The following CSMD1 variants were observed in gnomAD, a reference collection of about 807,000 sequenced individuals.
CSMD1 encodes the protein CUB and Sushi multiple domains 1.
Under a neutral mutation model 417.5 loss-of-function variants are expected in CSMD1, and 213 were observed. The ratio of observed to expected loss-of-function variants is 0.51; its 90% CI spans 0.46 to 0.57. CSMD1 has a LOEUF of 0.57. Among genes scored for constraint, CSMD1 ranks in the 20% least tolerant of loss-of-function variants. The probability of loss-of-function intolerance (pLI) is 0.00; values close to 1 mark genes in which losing one functional copy is unlikely to be tolerated. For synonymous variants in CSMD1, 2,862 were observed against 1,736.8 expected, an observed-to-expected ratio of 1.65 and a Z score of -16.11; for missense variants, 6,923 against 4,529.7, an observed-to-expected ratio of 1.53 and a Z score of -15.17.
chr8:4,138,354 A>C (rs1012032631), intron 3 of CSMD1, among the ~76,000 whole-genome samples: 1 of 152,032 alleles, frequency 6.6e-6, no homozygotes, highest in Non-Finnish European at 1.5e-5. Context: ...AAGCTGGGGC[A>C]AGGAGTCAGT....
chr8:4,801,678 G>A lies in CSMD1; in HGVS notation c.86-164120C>T, dbSNP rs147976980. ...AGTGTCCTCAGCCTGTCCAATAATG[G>A]AGCCCTGTCCTTCTACACAAGGCAG... On this transcript the variant is annotated intron_variant, in intron 1 of 69. Coordinates refer to ENST00000635120, the MANE Select transcript of CSMD1 (RefSeq NM_033225.6). 7.4e-4 allele frequency among the ~76,000 whole-genome samples: 113 copies of A among 151,772 alleles called. 2 individuals are homozygous for A. In the East Asian group the frequency reaches 0.021, roughly 28 times the overall value.
intron 20 of CSMD1, among the ~76,000 whole-genome samples, chr8:3,366,437 C>T (rs1298773014): frequency 1.3e-5 from 2 of 152,126 alleles, no homozygotes; most frequent in Non-Finnish European, 2.9e-5. Flanking sequence ...CAATCTAACC[C>T]ATACAAATAA....
intron 3 of CSMD1, among the ~76,000 whole-genome samples, chr8:4,035,950 C>T (rs944366054): frequency 7.2e-5 from 11 of 152,168 alleles, no homozygotes; most frequent in Non-Finnish European, 1.0e-4. Flanking sequence ...ACTCTATTCA[C>T]GGTAAGTGTC....
At chr8:4,524,799 G>A (rs577613038) in intron 2 of CSMD1, among the ~76,000 whole-genome samples, 69 of 151,928 alleles carry the variant, frequency 4.5e-4, no homozygotes, top group Middle Eastern at 3.4e-3. Context: ...AGTAAATTAC[G>A]GTGAGTCAAA....
At chr8:3,795,846 GATATATATCTATCATGTACAGATATAGAT>G (rs1800057056) in intron 5 of CSMD1, among the ~76,000 whole-genome samples, 2 of 62,368 alleles carry the variant, frequency 3.2e-5, no homozygotes, top group Non-Finnish European at 6.8e-5. Context: ...TACAGATATA[GATATATATCTATCATGTACAGATATAGAT>G]ATATATCTAT....
intron 7 of CSMD1, chr8:3,702,217 C>T (rs1004064786): frequency 6.6e-6 from 1 of 152,204 alleles, no homozygotes; most frequent in Non-Finnish European, 1.5e-5. Context: ...TGCATGGCTA[C>T]AAAGTGTTGT....
In CSMD1 at chr8:4,479,859, G is replaced by A. The variant is rs556620695; in HGVS notation, c.303-59794C>T. 5.3e-5 allele frequency among the ~76,000 whole-genome samples: 8 copies of A among 151,874 alleles called. No homozygotes were observed. In the East Asian group the frequency reaches 9.7e-4, roughly 18 times the overall value. ...CCCACTCCTTTAGTTCCAGCTACTCGGGAGGCTGAGGCAGGAGAATTGCTT... is the reference window on the plus strand; with the variant it reads ...CCCACTCCTTTAGTTCCAGCTACTCAGGAGGCTGAGGCAGGAGAATTGCTT... On this transcript the variant is annotated intron_variant, in intron 2 of 69. Coordinates refer to ENST00000635120, the MANE Select transcript of CSMD1 (RefSeq NM_033225.6).
In CSMD1 at chr8:4,813,298, C is replaced by A. The variant is rs528026292; in HGVS notation, c.86-175740G>T. On this transcript the variant is annotated intron_variant, in intron 1 of 69. Coordinates refer to ENST00000635120, the MANE Select transcript of CSMD1 (RefSeq NM_033225.6). ...TGTTAAAAAATAAACAAATCACTCC[C>A]CCCACAGAGCCGGGGCTGTGATGAG... Among the ~76,000 whole-genome samples, 44 of 152,154 alleles carry A rather than the reference C, an allele frequency of 2.9e-4. No individual in the cohort carries two copies. In the South Asian group the frequency reaches 8.7e-3, roughly 30 times the overall value.
rs1452834226 is a variant in CSMD1, at chr8:2,973,418, T to A, written c.8741-119A>T. The A allele has an allele frequency of 3.2e-6, 3 of 951,876 alleles. No individual in the cohort carries two copies. The East Asian group carries it at 7.3e-5, about 23-fold the overall frequency. The allele number at this position is 951,876 out of a possible 1,614,324, so 59.0% of individuals were successfully genotyped here. ...ATTTGTGTTTCACATGAGTTATGGTTACACAACATTCTGCAATCTTGTAAG... is the reference window on the plus strand; with the variant it reads ...ATTTGTGTTTCACATGAGTTATGGTAACACAACATTCTGCAATCTTGTAAG... On this transcript the variant is annotated intron_variant, in intron 56 of 69. Coordinates refer to ENST00000635120, the MANE Select transcript of CSMD1 (RefSeq NM_033225.6).
intron 3 of CSMD1, among the ~76,000 whole-genome samples, chr8:4,224,872 T>C (rs1801251877): frequency 6.6e-6 from 1 of 150,764 alleles, no homozygotes; most frequent in African/African-American, 2.5e-5. Flanking sequence ...CACTTTGGGA[T>C]ACCAAGGCAG....
intron 12 of CSMD1, among the ~76,000 whole-genome samples, chr8:3,421,496 G>C (rs888363211): frequency 1.3e-5 from 2 of 152,174 alleles, no homozygotes; most frequent in Non-Finnish European, 2.9e-5. Context: ...ACAAAGAATA[G>C]AGGAGTTCTC....
intron 5 of CSMD1, among the ~76,000 whole-genome samples, chr8:3,880,888 G>A (rs1417263264): frequency 6.6e-6 from 1 of 152,026 alleles, no homozygotes; most frequent in Non-Finnish European, 1.5e-5. Context: ...CCTCCTTCGT[G>A]TACCATTGAA....
chr8:4,325,714 T>C (rs994428738), intron 3 of CSMD1, among the ~76,000 whole-genome samples: 61 of 152,148 alleles, frequency 4.0e-4, no homozygotes, highest in African/African-American at 1.4e-3. Context: ...TCAGTGATTA[T>C]AGATGGAATC....
At chr8:3,957,687 GA>G (rs369302466) in intron 5 of CSMD1, among the ~76,000 whole-genome samples, 1 of 147,988 alleles carries the variant, frequency 6.8e-6, no homozygotes, top group East Asian at 2.0e-4. Context: ...GACCATGTCG[GA>G]AAAAAAAGAA....
At chr8:3,227,655 A>G (rs138745519) in intron 27 of CSMD1, among the ~76,000 whole-genome samples, 5 of 152,230 alleles carry the variant, frequency 3.3e-5, no homozygotes. Flanking sequence ...AGATTTAGTC[A>G]CTAAAAACGA....
At chr8:3,706,854 T>TA (rs1462925823) in intron 7 of CSMD1, among the ~76,000 whole-genome samples, 1 of 152,326 alleles carries the variant, frequency 6.6e-6, no homozygotes, top group African/African-American at 2.4e-5. Context: ...ATTTTATTTT[T>TA]AAAAAACCCT....
intron 5 of CSMD1, among the ~76,000 whole-genome samples, chr8:3,875,004 CAAG>C (rs1805720653): frequency 1.3e-5 from 2 of 151,228 alleles, no homozygotes; most frequent in African/African-American, 4.9e-5. Context: ...TGCATCATCT[CAAG>C]AAGAATGGAT....
chr8:4,634,867 A>G (rs1241845388), intron 2 of CSMD1, among the ~76,000 whole-genome samples: 1 of 152,182 alleles, frequency 6.6e-6, no homozygotes, highest in Non-Finnish European at 1.5e-5. Context: ...CACCTTTTGT[A>G]ATAGTAGAGA....
In CSMD1 at chr8:4,713,057, T is replaced by G. The variant is rs1385288761; in HGVS notation, c.86-75499A>C. Among the ~76,000 whole-genome samples the G allele has an allele frequency of 2.0e-5, 3 of 152,232 alleles. No homozygotes were observed. In the East Asian group the frequency reaches 5.8e-4, roughly 29 times the overall value. ...CTTAGGGATACTGGGAAAGGTCTTC[T>G]GCCAGAATCGGTCCCCGCTGCACCT... On this transcript the variant is annotated intron_variant, in intron 1 of 69. Transcript: ENST00000635120.
Sources: allele counts gnomAD v4.1 joint callset (sites outside exome capture counted in the v4.1 genomes callset), GRCh38; gene constraint gnomAD v4.1.1; transcripts MANE v1.5; gene names NCBI Gene and HGNC (gene_info 2026-07-23, HGNC 2026-07-21).